The following COL4A1 variants were observed in gnomAD, a reference collection of about 807,000 sequenced individuals.
The protein encoded by COL4A1 is collagen type IV alpha 1 chain, also known as collagen alpha-1(IV) chain.
A neutral mutation model predicts 216.6 loss-of-function variants in COL4A1; 40 were observed. The observed-to-expected ratio is 0.18, with a 90% CI of 0.14 to 0.24. The LOEUF (loss-of-function observed/expected upper bound fraction) is 0.24. Ranked by LOEUF, COL4A1 falls within the 10% of genes least tolerant of loss-of-function variation. The pLI is 1.00. For missense variants in COL4A1, 1,628 were observed against 2,196.8 expected, an observed-to-expected ratio of 0.74 and a Z score of 5.18; for synonymous variants, 839 against 810.7, an observed-to-expected ratio of 1.03 and a Z score of -0.59.
intron 24 of COL4A1, among the ~76,000 whole-genome samples, chr13:110,187,804 C>T (rs1878467712): frequency 1.3e-5 from 2 of 152,224 alleles, no homozygotes; most frequent in South Asian, 2.1e-4. Context: ...AGCCTTTTCT[C>T]CAGCTTCTGG....
chr13:110,275,450 G>A (rs905496713), intron 1 of COL4A1, among the ~76,000 whole-genome samples: 1 of 152,162 alleles, frequency 6.6e-6, no homozygotes, highest in African/African-American at 2.4e-5. Flanking sequence ...CAGTCATTGC[G>A]GGTGGGGATA....
At chr13:110,283,559 G>T (rs1420656434) in intron 1 of COL4A1, among the ~76,000 whole-genome samples, 1 of 152,178 alleles carries the variant, frequency 6.6e-6, no homozygotes, top group Non-Finnish European at 1.5e-5. Flanking sequence ...TGTGTATACA[G>T]ACATCTGCAT....
intron 2 of COL4A1, among the ~76,000 whole-genome samples, chr13:110,214,296 G>C (rs1566380460): frequency 2.0e-5 from 3 of 152,060 alleles, no homozygotes; most frequent in Admixed American, 1.3e-4. Flanking sequence ...CACCATGTTG[G>C]CCAGGCTGGT....
At chr13:110,197,279 A>C (rs914224418) in intron 21 of COL4A1, among the ~76,000 whole-genome samples, 26 of 143,968 alleles carry the variant, frequency 1.8e-4, no homozygotes, top group Non-Finnish European at 1.5e-5. Context: ...CATCTCCTGC[A>C]TTCATGAGAA....
At chr13:110,287,617 T>C (rs1336402750) in intron 1 of COL4A1, among the ~76,000 whole-genome samples, 2 of 152,190 alleles carry the variant, frequency 1.3e-5, no homozygotes, top group Non-Finnish European at 2.9e-5. Flanking sequence ...CACCCTGCTG[T>C]GAGACCCAGA....
intron 8 of COL4A1, 123 bp from the exon 9 acceptor site, chr13:110,210,335 C>G (rs1879732633): frequency 1.1e-6 from 1 of 895,994 alleles, no homozygotes; most frequent in South Asian, 1.4e-5. Context: ...GGGATTTAGA[C>G]CCCGTCTACA....
intron 33 of COL4A1, among the ~76,000 whole-genome samples, chr13:110,177,479 A>C (rs1017624743): frequency 1.3e-5 from 2 of 152,236 alleles, no homozygotes; most frequent in African/African-American, 4.8e-5. Context: ...AAATAACGAT[A>C]AGAAATAAAG....
chr13:110,190,203 C>T (rs1477128230), intron 24 of COL4A1, among the ~76,000 whole-genome samples: 2 of 152,058 alleles, frequency 1.3e-5, no homozygotes, highest in South Asian at 2.1e-4. Flanking sequence ...TAGGACATCT[C>T]GTGTGCTTTC....
At chr13:110,224,931 G>A (rs2139223407) in intron 2 of COL4A1, among the ~76,000 whole-genome samples, 1 of 152,194 alleles carries the variant, frequency 6.6e-6, no homozygotes, top group South Asian at 2.1e-4. Context: ...GAAATACTCT[G>A]AAGATAAGAA....
intron 1 of COL4A1, among the ~76,000 whole-genome samples, chr13:110,260,776 G>A (rs1240541244): frequency 3.9e-5 from 6 of 152,262 alleles, no homozygotes; most frequent in South Asian, 2.1e-4. Context: ...TGGGCCGGGC[G>A]CGGTGGCTCA....
At chr13:110,230,619 C>T (rs1164636777) in intron 2 of COL4A1, among the ~76,000 whole-genome samples, 6 of 152,146 alleles carry the variant, frequency 3.9e-5, no homozygotes, top group African/African-American at 9.7e-5. Context: ...ACTGCACCTC[C>T]GGCCCCCACC....
chr13:110,224,279 A>T (rs1327227947), intron 2 of COL4A1, among the ~76,000 whole-genome samples: 1 of 152,212 alleles, frequency 6.6e-6, no homozygotes, highest in Non-Finnish European at 1.5e-5. Context: ...ATTGATAACA[A>T]AATATCAATA....
intron 1 of COL4A1, among the ~76,000 whole-genome samples, chr13:110,283,827 G>T (rs1188682645): frequency 6.6e-6 from 1 of 152,176 alleles, no homozygotes; most frequent in Non-Finnish European, 1.5e-5. Flanking sequence ...CATTTGGGGG[G>T]TTATTTTTCA....
intron 1 of COL4A1, among the ~76,000 whole-genome samples, chr13:110,251,522 T>C (rs1013457014): frequency 2.0e-5 from 3 of 152,196 alleles, no homozygotes; most frequent in Admixed American, 1.3e-4. Context: ...AATACAGAGC[T>C]GAGTGTGTGA....
At chr13:110,241,161 T>C (rs923882790) in intron 2 of COL4A1, among the ~76,000 whole-genome samples, 5 of 152,312 alleles carry the variant, frequency 3.3e-5, no homozygotes, top group Admixed American at 3.3e-4. Context: ...TGACCCACCA[T>C]GCCTGGCCTA....
At chr13:110,246,441 G>T (rs1478384998) in intron 1 of COL4A1, among the ~76,000 whole-genome samples, 2 of 152,114 alleles carry the variant, frequency 1.3e-5, no homozygotes, top group Middle Eastern at 3.4e-3. Flanking sequence ...GTCAGGTAAT[G>T]CAAGTCTTAA....
At chr13:110,185,561 A>G (rs1019511404) in intron 26 of COL4A1, among the ~76,000 whole-genome samples, 1 of 151,938 alleles carries the variant, frequency 6.6e-6, no homozygotes, top group Non-Finnish European at 1.5e-5. Context: ...ACGCGCATTT[A>G]CTTCCCTCAT....
intron 1 of COL4A1, among the ~76,000 whole-genome samples, chr13:110,246,415 G>A (rs681766): frequency 0.79 from 120,727 of 152,020 alleles, 48,248 homozygotes; most frequent in East Asian, 0.92. Flanking sequence ...GCTTCAAATG[G>A]TGAATTAAAA....
intron 22 of COL4A1, 68 bp downstream of exon 22, chr13:110,194,955 G>A (rs57652802): frequency 2.1e-6 from 3 of 1,422,026 alleles, no homozygotes; most frequent in Non-Finnish European, 9.9e-7. Context: ...TCCAAAGCCG[G>A]TAAGTATGTG....
Sources: gnomAD v4.1 joint callset for allele counts (sites outside exome capture counted in the v4.1 genomes callset) on GRCh38, gnomAD v4.1.1 for gene constraint, MANE v1.5 for transcripts, NCBI Gene and HGNC (gene_info 2026-07-23, HGNC 2026-07-21) for gene names.